CRTAC1: variants seen among roughly 807,000 people sequenced by gnomAD.
The protein encoded by CRTAC1 is acidic secreted protein in cartilage.
In CRTAC1, 37 loss-of-function variants were observed where a neutral mutation model predicts 67.8. The ratio of observed to expected loss-of-function variants is 0.55; its 90% confidence interval spans 0.42 to 0.72. The LOEUF (loss-of-function observed/expected upper bound fraction) is 0.72, where lower values mean the gene tolerates loss of function less well. Ranked by LOEUF, CRTAC1 falls within the 30% of genes least tolerant of loss-of-function variation. CRTAC1 has a pLI of 0.00. For missense variants in CRTAC1, 780 were observed against 931.6 expected, an observed-to-expected ratio of 0.84 and a Z score of 2.12; for synonymous variants, 348 against 371.0, an observed-to-expected ratio of 0.94 and a Z score of 0.71.
At chr10:97,974,169 A>T (rs578055162) in intron 2 of CRTAC1, among the ~76,000 whole-genome samples, 1 of 152,220 alleles carries the variant, frequency 6.6e-6, no homozygotes, top group South Asian at 2.1e-4. Flanking sequence ...GTTTTCTCTT[A>T]AGTCACAACT....
At position 97,982,183 on chromosome 10, in the gene CRTAC1, A is replaced by C. The variant is rs1169946469; in HGVS notation, c.224+28955T>G. Among the ~76,000 whole-genome samples, 6 of 152,224 alleles carry C rather than the reference A, an allele frequency of 3.9e-5. No individual in the cohort carries two copies. The East Asian group carries it at 7.7e-4, about 20-fold the overall frequency. ...ACTCACTCAAATGATAGCTAGTGTT[A>C]GAAGATGCTCATCAATACAAATGTC... On this transcript the variant is annotated intron_variant, in intron 2 of 14. Transcript: ENST00000370597.
intron 8 of CRTAC1, among the ~76,000 whole-genome samples, chr10:97,900,152 T>G (rs937992985): frequency 6.6e-6 from 1 of 152,128 alleles, no homozygotes; most frequent in African/African-American, 2.4e-5. Flanking sequence ...CTTGGAGAAA[T>G]ATTGCCGCAG....
chr10:97,865,970 T>G, intron 14 of CRTAC1: 1 of 468,474 alleles, frequency 2.1e-6, no homozygotes. Flanking sequence ...AGACAGATCT[T>G]CCTAGGAAGG....
chr10:97,948,759 T>C (rs2136629092), intron 2 of CRTAC1, among the ~76,000 whole-genome samples: 1 of 152,240 alleles, frequency 6.6e-6, no homozygotes, highest in African/African-American at 2.4e-5. Context: ...CGAGACTGGG[T>C]AATTTACGAA....
chr10:97,925,581 AGT>A (rs2050900814), intron 3 of CRTAC1, among the ~76,000 whole-genome samples: 1 of 134,214 alleles, frequency 7.5e-6, no homozygotes, highest in African/African-American at 2.8e-5. Flanking sequence ...TGAGTGTGAG[AGT>A]GGGGATGAGA....
At chr10:97,892,452 T>C (rs1377224547) in intron 11 of CRTAC1, among the ~76,000 whole-genome samples, 1 of 152,208 alleles carries the variant, frequency 6.6e-6, no homozygotes, top group Admixed American at 6.5e-5. Flanking sequence ...CTTGGCTGGC[T>C]GCACAAAGCA....
intron 7 of CRTAC1, 149 bp downstream of exon 7, chr10:97,904,520 C>G: frequency 1.5e-6 from 1 of 663,700 alleles, no homozygotes; most frequent in Non-Finnish European, 2.3e-6. Flanking sequence ...CTCCTGGGCT[C>G]AAGATTCCTG....
intron 14 of CRTAC1, among the ~76,000 whole-genome samples, chr10:97,873,028 A>T (rs538892815): frequency 6.6e-6 from 1 of 152,190 alleles, no homozygotes; most frequent in African/African-American, 2.4e-5. Flanking sequence ...TCTGCATTTC[A>T]TCAGTCAGGC....
At chr10:97,958,536 G>A (rs554137471) in intron 2 of CRTAC1, among the ~76,000 whole-genome samples, 50 of 152,118 alleles carry the variant, frequency 3.3e-4, no homozygotes, top group Non-Finnish European at 4.7e-4. Flanking sequence ...ACCCCCCATC[G>A]TTGACATCCC....
chr10:97,979,171 G>A (rs1362030515), intron 2 of CRTAC1, among the ~76,000 whole-genome samples: 1 of 152,126 alleles, frequency 6.6e-6, no homozygotes, highest in African/African-American at 2.4e-5. Flanking sequence ...AGCAGGGCGG[G>A]GCTCATACTT....
chr10:97,973,490 CA>C (rs1187145359), intron 2 of CRTAC1, among the ~76,000 whole-genome samples: 3 of 152,010 alleles, frequency 2.0e-5, no homozygotes, highest in Non-Finnish European at 2.9e-5. Flanking sequence ...CTTCCTATCC[CA>C]AAAGGAGCAG....
intron 12 of CRTAC1, among the ~76,000 whole-genome samples, chr10:97,883,032 A>G (rs2050236964): frequency 6.6e-6 from 1 of 152,234 alleles, no homozygotes; most frequent in Non-Finnish European, 1.5e-5. Context: ...CCATGAATGG[A>G]TACGGTTCAG....
chr10:98,014,536 T>TG, intron 1 of CRTAC1, among the ~76,000 whole-genome samples: 1 of 152,158 alleles, frequency 6.6e-6, no homozygotes, highest in Middle Eastern at 3.2e-3. Flanking sequence ...ACTCACAGAA[T>TG]GGGAGAAAAT....
chr10:97,888,048 T>C (rs1329701428), intron 11 of CRTAC1, among the ~76,000 whole-genome samples: 1 of 152,228 alleles, frequency 6.6e-6, no homozygotes, highest in Non-Finnish European at 1.5e-5. Flanking sequence ...ATCGCCCAGT[T>C]GCCCAGCAGA....
Position 97,886,139 on chromosome 10 carries a change from G to A in CRTAC1, c.1487-1788C>T, listed in dbSNP as rs1376582228. Reference sequence around the variant, plus strand: ...TGTAGAGACCACTGTGGGGCATGGAGGAAGGGAGCCGGGTGCTGGGGGGAG... The same window carrying A: ...TGTAGAGACCACTGTGGGGCATGGAAGAAGGGAGCCGGGTGCTGGGGGGAG... On this transcript the variant is annotated intron_variant, in intron 11 of 14. Coordinates refer to ENST00000370597, the MANE Select transcript of CRTAC1 (RefSeq NM_018058.7). Among the ~76,000 whole-genome samples the A allele has an allele frequency of 2.0e-5, 3 of 152,218 alleles. No individual in the cohort carries two copies. In the East Asian group the frequency reaches 5.8e-4, roughly 29 times the overall value.
chr10:97,986,990 T>C lies in CRTAC1; in HGVS notation c.224+24148A>G, dbSNP rs569820277. 2.4e-4 allele frequency among the ~76,000 whole-genome samples: 37 copies of C among 152,276 alleles called. 1 individual carries two copies. In the South Asian group the frequency reaches 6.0e-3, roughly 25 times the overall value. On this transcript the variant is annotated intron_variant, in intron 2 of 14. Transcript: ENST00000370597. Reference sequence around the variant, plus strand: ...TGCTCATTAAATACTAATGCCAGAGTGTCCTGAGGTTTGAGAGAGGGCTGG... The same window carrying C: ...TGCTCATTAAATACTAATGCCAGAGCGTCCTGAGGTTTGAGAGAGGGCTGG...
intron 14 of CRTAC1, among the ~76,000 whole-genome samples, chr10:97,878,842 T>A (rs903326242): frequency 6.6e-6 from 1 of 152,210 alleles, no homozygotes. Flanking sequence ...AGTGACTTCC[T>A]GCAGGTAAAA....
At position 98,011,220 on chromosome 10, in the gene CRTAC1, C is replaced by T. The variant is rs775697430; in HGVS notation, c.142G>A (p.Asp48Asn). The change falls in exon 2 of 15, where the codon GAC becomes AAC. Residue 48 changes from aspartate (D) to asparagine (N), a missense_variant. By Grantham distance (23) the Asp-to-Asn change is conservative. Coordinates refer to ENST00000370597, the MANE Select transcript of CRTAC1 (RefSeq NM_018058.7). ...TAGTTGAGCTGGGTGGGATTACTGT[C>T]ATAGTCAGGAGGCAGAACTGAGTTG... is the stretch of plus-strand genomic sequence containing the variant. Reference protein sequence around the residue: ...VTNSVLPPDYDSNPTQLNYGV... With the variant: ...VTNSVLPPDYNSNPTQLNYGV... 1.9e-5 allele frequency: 30 copies of T among 1,614,102 alleles called. No homozygotes were observed. The Admixed American group carries it at 4.7e-4, about 25-fold the overall frequency.
intron 2 of CRTAC1, among the ~76,000 whole-genome samples, chr10:97,992,110 C>G (rs1336342220): frequency 6.6e-6 from 1 of 152,142 alleles, no homozygotes; most frequent in Non-Finnish European, 1.5e-5. Context: ...TCAGGCCAGC[C>G]GGATGGAGCA....
Sources: allele counts gnomAD v4.1 joint callset (sites outside exome capture counted in the v4.1 genomes callset), GRCh38; gene constraint gnomAD v4.1.1; transcripts MANE v1.5; gene names NCBI Gene and HGNC (gene_info 2026-07-23, HGNC 2026-07-21).